The following RYR3 variants were observed in gnomAD, a reference collection of about 807,000 sequenced individuals.
RYR3 encodes the protein brain ryanodine receptor-calcium release channel.
In RYR3, 207 loss-of-function variants were observed where a neutral mutation model predicts 584.3. That is an observed-to-expected ratio of 0.35 (90% CI 0.32 to 0.40). RYR3 has a LOEUF of 0.40. RYR3 is among the 10% of genes least tolerant of loss of function. RYR3 has a pLI of 1.00. For missense variants in RYR3, 5,616 were observed against 6,089.2 expected (o/e 0.92, Z 2.59); for synonymous variants, 2,416 against 2,248.5 (o/e 1.07, Z -2.11).
chr15:33,691,474 A>C (rs2065425772), intron 38 of RYR3, among the ~76,000 whole-genome samples: 1 of 152,220 alleles, frequency 6.6e-6, no homozygotes, highest in Non-Finnish European at 1.5e-5. Flanking sequence ...CATTATTGGC[A>C]ACAAATACTA....
chr15:33,598,706 T>A (rs1413432214), intron 16 of RYR3, among the ~76,000 whole-genome samples: 1 of 150,800 alleles, frequency 6.6e-6, no homozygotes, highest in Non-Finnish European at 1.5e-5. Context: ...CCTTCCATCA[T>A]CATGGAAGCA....
At chr15:33,732,108 A>C (rs1198795707) in intron 48 of RYR3, among the ~76,000 whole-genome samples, 1 of 152,108 alleles carries the variant, frequency 6.6e-6, no homozygotes, top group Non-Finnish European at 1.5e-5. Context: ...CCGGCTGGGC[A>C]CGGTGGCTCA....
chr15:33,425,022 A>G (rs968632608), intron 1 of RYR3, among the ~76,000 whole-genome samples: 1 of 152,224 alleles, frequency 6.6e-6, no homozygotes, highest in Admixed American at 6.5e-5. Flanking sequence ...TGGCATGGTT[A>G]GGATTGTGGG....
At chr15:33,677,663 G>A (rs920675843) in intron 38 of RYR3, among the ~76,000 whole-genome samples, 5 of 152,198 alleles carry the variant, frequency 3.3e-5, no homozygotes, top group African/African-American at 1.2e-4. Context: ...TCAGATATGG[G>A]TATCTGTATC....
intron 95 of RYR3, 83 bp downstream of exon 95, chr15:33,853,170 A>G: frequency 1.7e-6 from 2 of 1,156,568 alleles, no homozygotes; most frequent in Non-Finnish European, 2.4e-6. Flanking sequence ...TACAAACATG[A>G]GTAAATGTGA....
intron 64 of RYR3, among the ~76,000 whole-genome samples, chr15:33,775,858 C>T (rs142915910): frequency 6.6e-6 from 1 of 152,202 alleles, no homozygotes; most frequent in Admixed American, 6.5e-5. Context: ...TTTTGGCCCC[C>T]TTAAAACCCC....
chr15:33,676,566 G>C (rs1596105241), intron 38 of RYR3, among the ~76,000 whole-genome samples: 1 of 152,216 alleles, frequency 6.6e-6, no homozygotes, highest in Admixed American at 6.5e-5. Context: ...ATGGTCAAGT[G>C]CATAATGGAC....
intron 2 of RYR3, among the ~76,000 whole-genome samples, chr15:33,477,575 TAAAAAAA>T (rs3084422): frequency 2.6e-5 from 3 of 116,408 alleles, no homozygotes; most frequent in South Asian, 5.5e-4. Flanking sequence ...CTTGTTTTGT[TAAAAAAA>T]AAAAAAAAAA....
chr15:33,549,282 G>A (rs2056492125), intron 9 of RYR3, among the ~76,000 whole-genome samples: 1 of 152,090 alleles, frequency 6.6e-6, no homozygotes, highest in Non-Finnish European at 1.5e-5. Flanking sequence ...CGTACTTCTG[G>A]TTATGATTGC....
intron 3 of RYR3, among the ~76,000 whole-genome samples, chr15:33,525,102 G>A (rs932051248): frequency 6.6e-6 from 1 of 152,182 alleles, no homozygotes; most frequent in Non-Finnish European, 1.5e-5. Context: ...ATTTAATTAT[G>A]TTATCCATCT....
chr15:33,683,285 C>T (rs559594067), intron 38 of RYR3, among the ~76,000 whole-genome samples: 62 of 151,112 alleles, frequency 4.1e-4, no homozygotes, highest in South Asian at 8.5e-4. Flanking sequence ...TGAGCCACCG[C>T]GCCCAGCCGA....
chr15:33,827,347 A>G (rs2077431138), intron 85 of RYR3, 60 bp downstream of exon 85: 2 of 1,453,922 alleles, frequency 1.4e-6, no homozygotes, highest in South Asian at 1.2e-5. Flanking sequence ...AGATAAACAC[A>G]GTTACACAGG....
intron 27 of RYR3, among the ~76,000 whole-genome samples, chr15:33,640,460 C>A (rs546539060): frequency 6.6e-6 from 1 of 152,186 alleles, no homozygotes; most frequent in Non-Finnish European, 1.5e-5. Context: ...ATGGTCTGAG[C>A]GGTCATCTAC....
chr15:33,780,458 A>G, intron 65 of RYR3, 117 bp downstream of exon 65: 1 of 1,036,924 alleles, frequency 9.6e-7, no homozygotes, highest in Non-Finnish European at 1.4e-6. Flanking sequence ...GAGAGGAGCC[A>G]GGAGGTGAGG....
intron 20 of RYR3, among the ~76,000 whole-genome samples, chr15:33,625,466 T>C (rs535693429): frequency 6.6e-6 from 1 of 152,280 alleles, no homozygotes; most frequent in South Asian, 2.1e-4. Context: ...TTCTAAGAAT[T>C]AGATCATCTG....
At chr15:33,424,182 G>A (rs1053495439) in intron 1 of RYR3, among the ~76,000 whole-genome samples, 7 of 152,170 alleles carry the variant, frequency 4.6e-5, no homozygotes, top group African/African-American at 1.7e-4. Flanking sequence ...CTGAGTCCCA[G>A]CTCTGCCACT....
At chr15:33,771,870 G>T in intron 62 of RYR3, 50 bp from the exon 63 acceptor site, 1 of 1,383,738 alleles carries the variant, frequency 7.2e-7, no homozygotes, top group South Asian at 1.2e-5. Context: ...GAAGGGGATT[G>T]GCCAAAAGTT....
Position 33,311,974 on chromosome 15 carries a change from G to A in RYR3, c.51+878G>A, listed in dbSNP as rs1967384632. The stretch of plus-strand genomic sequence containing the variant: ...GGGGGCATTGGGGATGCATCCTAGC[G>A]CTGACTTCAGCCAAGTGACCTTGAG... On this transcript the variant is annotated intron_variant, in intron 1 of 103. Coordinates refer to ENST00000634891, the MANE Select transcript of RYR3 (RefSeq NM_001036.6). The surrounding 1 kb of genome is among the most constrained non-coding windows in gnomAD (Gnocchi z 4.4). 6.6e-6 allele frequency among the ~76,000 whole-genome samples: 1 copy of A among 152,226 alleles called. No individual in the cohort carries two copies. The highest frequency in any genetic ancestry group is 1.5e-5 in the Non-Finnish European group (1 of 68,044).
chr15:33,733,738 G>T (rs1363522322), intron 48 of RYR3, among the ~76,000 whole-genome samples: 1 of 152,152 alleles, frequency 6.6e-6, no homozygotes, highest in Non-Finnish European at 1.5e-5. Context: ...TGAAATTTGG[G>T]TGATAACGAT....
Sources: allele counts gnomAD v4.1 joint callset (sites outside exome capture counted in the v4.1 genomes callset), GRCh38; gene constraint gnomAD v4.1.1; non-coding constraint Gnocchi (gnomAD v3.1); transcripts MANE v1.5; gene names NCBI Gene and HGNC (gene_info 2026-07-23, HGNC 2026-07-21).